PCDH11X: variants seen among roughly 807,000 people sequenced by gnomAD.
PCDH11X encodes protocadherin 11 X-linked.
PCDH11X carries 18 observed loss-of-function variants against 53.3 expected under a neutral mutation model. That is an observed-to-expected ratio of 0.34 (90% confidence interval 0.23 to 0.50). The LOEUF is 0.50. Ranked by LOEUF, PCDH11X falls within the 20% of genes least tolerant of loss-of-function variation. The pLI, the probability that PCDH11X is intolerant of heterozygous loss-of-function variation, is 0.98. For synonymous variants in PCDH11X, 279 were observed against 393.3 expected, an observed-to-expected ratio of 0.71 and a Z score of 3.44; for missense variants, 570 against 1,032.4, an observed-to-expected ratio of 0.55 and a Z score of 6.14.
Position 92,469,696 on chromosome X carries a change from T to A in PCDH11X, c.3367+1374T>A, listed in dbSNP as rs187842472. On this transcript the variant is annotated intron_variant, in intron 10 of 10. Transcript: ENST00000682573. ...TAATGTATATTCTTGGAACATTTGT[T>A]GAAAATGAGTTTACTGTAGATGTAT... 6.1e-3 allele frequency among the ~76,000 whole-genome samples: 684 copies of A among 111,707 alleles called. 6 individuals are homozygous for A. The highest frequency in any genetic ancestry group is 7.9e-3 in the Non-Finnish European group (419 of 52,890).
chrX:91,792,120 A>G (rs1425226462), intron 1 of PCDH11X, among the ~76,000 whole-genome samples: 1 of 109,392 alleles, frequency 9.1e-6, no homozygotes, highest in Non-Finnish European at 1.9e-5. Context: ...AAGTACTGGG[A>G]TTACAGGCGT....
chrX:92,249,256 C>T (rs960573868), intron 7 of PCDH11X, among the ~76,000 whole-genome samples: 4 of 111,190 alleles, frequency 3.6e-5, no homozygotes, highest in African/African-American at 9.8e-5. Flanking sequence ...TGTTTATTCT[C>T]GTAATCACTT....
chrX:92,590,699 G>C (rs1364003626), intron 10 of PCDH11X, among the ~76,000 whole-genome samples: 3 of 111,197 alleles, frequency 2.7e-5, no homozygotes, highest in Non-Finnish European at 5.7e-5. Flanking sequence ...ATATGGGACT[G>C]TTTGAAGGAA....
At chrX:92,278,300 G>T (rs1295346172) in intron 8 of PCDH11X, among the ~76,000 whole-genome samples, 1 of 111,682 alleles carries the variant, frequency 9.0e-6, no homozygotes, top group Non-Finnish European at 1.9e-5. Context: ...GGAGCAAAAA[G>T]CAGGAGGACA....
In PCDH11X at chrX:92,255,546, T is replaced by A. The variant is rs1170449954; in HGVS notation, c.3115-7568T>A. On this transcript the variant is annotated intron_variant, in intron 7 of 10. Transcript: ENST00000682573. ...TTTTTAGAGTTTCCAGTTTTTCTGT[T>A]CTGTTTTTTCCCCATCTTTGTGGTT... Among the ~76,000 whole-genome samples the A allele has an allele frequency of 1.5e-4, 16 of 108,450 alleles. No individual in the cohort carries two copies. The South Asian group carries it at 6.3e-3, about 43-fold the overall frequency. The allele number at this position is 108,450 out of a possible 115,157, so 94.2% of individuals were successfully genotyped here. A position where few individuals can be genotyped will look rare whatever the true frequency, so the allele number is the denominator to read the frequency against.
intron 6 of PCDH11X, among the ~76,000 whole-genome samples, chrX:91,944,805 A>G (rs2525385): frequency 2.8e-5 from 3 of 107,836 alleles, no homozygotes; most frequent in African/African-American, 1.0e-4. Context: ...GAAAAAAATC[A>G]TTTTGTAGAA....
chrX:92,396,401 T>G (rs2071246668), intron 9 of PCDH11X, among the ~76,000 whole-genome samples: 1 of 96,231 alleles, frequency 1.0e-5, no homozygotes, highest in South Asian at 6.1e-4. Flanking sequence ...GAATTGATAT[T>G]CATAGACTCA....
intron 6 of PCDH11X, among the ~76,000 whole-genome samples, chrX:91,961,609 A>G (rs900912268): frequency 7.9e-4 from 87 of 110,064 alleles, no homozygotes; most frequent in African/African-American, 2.6e-3. Flanking sequence ...CAGTAAAGTC[A>G]CAGGGTACAA....
At chrX:92,528,351 G>A (rs1271075807) in intron 10 of PCDH11X, among the ~76,000 whole-genome samples, 1 of 111,883 alleles carries the variant, frequency 8.9e-6, no homozygotes, top group Non-Finnish European at 1.9e-5. Flanking sequence ...GAAGTGCAAT[G>A]GCGCAATTTT....
chrX:92,085,705 T>G (rs1474840407), intron 6 of PCDH11X, among the ~76,000 whole-genome samples: 1 of 110,886 alleles, frequency 9.0e-6, no homozygotes, highest in Non-Finnish European at 1.9e-5. Flanking sequence ...GTCAGAACAT[T>G]TTTTTTTCTT....
intron 6 of PCDH11X, among the ~76,000 whole-genome samples, chrX:92,191,189 C>G (rs1281828455): frequency 8.9e-6 from 1 of 111,992 alleles, no homozygotes; most frequent in Non-Finnish European, 1.9e-5. Context: ...CTTCTAAATT[C>G]AATAGATAAT....
chrX:92,185,111 T>A (rs1443925940), intron 6 of PCDH11X, among the ~76,000 whole-genome samples: 1 of 110,484 alleles, frequency 9.1e-6, no homozygotes, highest in Admixed American at 9.8e-5. Flanking sequence ...GGCTATTTCA[T>A]TGCCTGTGCC....
chrX:91,970,124 T>C (rs1221451051), intron 6 of PCDH11X, among the ~76,000 whole-genome samples: 2 of 111,153 alleles, frequency 1.8e-5, no homozygotes, highest in Non-Finnish European at 3.8e-5. Flanking sequence ...TCTCGCTGGC[T>C]TCACGAATGA....
intron 6 of PCDH11X, among the ~76,000 whole-genome samples, chrX:92,131,050 C>T (rs1302897786): frequency 1.8e-5 from 2 of 111,042 alleles, no homozygotes; most frequent in African/African-American, 6.5e-5. Context: ...GTACAAAACA[C>T]ATTACCACTT....
intron 8 of PCDH11X, among the ~76,000 whole-genome samples, chrX:92,376,076 C>T (rs2070747667): frequency 1.8e-5 from 2 of 111,495 alleles, no homozygotes; most frequent in South Asian, 7.4e-4. Context: ...TCTTTATGCC[C>T]TTCTTTCCCC....
chrX:91,822,620 A>C (rs1381520459), intron 4 of PCDH11X, among the ~76,000 whole-genome samples: 1 of 100,342 alleles, frequency 1.0e-5, no homozygotes, highest in Non-Finnish European at 2.0e-5. Flanking sequence ...CTTTCAAAAA[A>C]CCAGCTCCTG....
intron 8 of PCDH11X, among the ~76,000 whole-genome samples, chrX:92,368,119 T>G (rs1278530499): frequency 1.0e-5 from 1 of 100,233 alleles, no homozygotes; most frequent in Non-Finnish European, 2.0e-5. Context: ...CCCCATCACT[T>G]TCAGGTAAAC....
chrX:91,944,350 A>G (rs1162054293), intron 6 of PCDH11X, among the ~76,000 whole-genome samples: 2 of 108,282 alleles, frequency 1.8e-5, no homozygotes, highest in Non-Finnish European at 3.8e-5. Flanking sequence ...CGTCAAAACT[A>G]TTGTGATGAA....
At chrX:92,004,022 G>A in intron 6 of PCDH11X, among the ~76,000 whole-genome samples, 1 of 107,666 alleles carries the variant, frequency 9.3e-6, no homozygotes, top group Non-Finnish European at 1.9e-5. Flanking sequence ...GGCATTTATA[G>A]CCATAAACTT....
Sources: allele counts gnomAD v4.1 joint callset (sites outside exome capture counted in the v4.1 genomes callset), GRCh38; gene constraint gnomAD v4.1.1; transcripts MANE v1.5; gene names NCBI Gene and HGNC (gene_info 2026-07-23, HGNC 2026-07-21).